The following SUPT3H variants were observed in gnomAD, a reference collection of about 807,000 sequenced individuals.
SUPT3H encodes SPT3 homolog, SAGA and STAGA complex component.
A neutral mutation model predicts 44.3 loss-of-function variants in SUPT3H; 44 were observed. That is an observed-to-expected ratio of 0.99 (90% CI 0.78 to 1.28). The LOEUF (loss-of-function observed/expected upper bound fraction) is 1.28. Ranked by LOEUF, SUPT3H falls within the 50% of genes most tolerant of loss-of-function variation. SUPT3H has a pLI of 0.00. For synonymous variants in SUPT3H, 124 were observed against 125.6 expected (o/e 0.99, Z 0.09); for missense variants, 380 against 387.1 (o/e 0.98, Z 0.15).
chr6:45,221,380 A>G (rs1288296226), intron 2 of SUPT3H, among the ~76,000 whole-genome samples: 1 of 151,942 alleles, frequency 6.6e-6, no homozygotes, highest in East Asian at 1.9e-4. Context: ...TATAAAATAT[A>G]ATAATAAGAG....
chr6:45,240,908 T>C (rs943558781), intron 2 of SUPT3H, among the ~76,000 whole-genome samples: 5 of 152,116 alleles, frequency 3.3e-5, no homozygotes, highest in East Asian at 1.9e-4. Flanking sequence ...TCTTTGGATA[T>C]TGCAAAATTA....
intron 2 of SUPT3H, among the ~76,000 whole-genome samples, chr6:45,339,680 T>C (rs1789353541): frequency 6.6e-6 from 1 of 152,154 alleles, no homozygotes; most frequent in Non-Finnish European, 1.5e-5. Context: ...TCTATTAGGT[T>C]CAAATAGCTA....
chr6:44,818,418 T>C (rs548493818), intron 11 of SUPT3H, among the ~76,000 whole-genome samples: 9 of 152,230 alleles, frequency 5.9e-5, no homozygotes, highest in African/African-American at 2.2e-4. Flanking sequence ...AGATGAAGGT[T>C]TCTTACATAA....
At chr6:44,862,920 C>T (rs751901643) in intron 10 of SUPT3H, among the ~76,000 whole-genome samples, 2 of 152,120 alleles carry the variant, frequency 1.3e-5, no homozygotes, top group African/African-American at 2.4e-5. Context: ...TGGTGTACAG[C>T]TTCTCTCTTT....
At chr6:44,946,446 A>G (rs1015239995) in intron 9 of SUPT3H, among the ~76,000 whole-genome samples, 1 of 152,242 alleles carries the variant, frequency 6.6e-6, no homozygotes, top group Non-Finnish European at 1.5e-5. Flanking sequence ...CATGCCATTA[A>G]GAACATCTGT....
At chr6:45,057,940 C>G (rs906709439) in intron 3 of SUPT3H, among the ~76,000 whole-genome samples, 1 of 152,090 alleles carries the variant, frequency 6.6e-6, no homozygotes, top group Non-Finnish European at 1.5e-5. Context: ...ACTAACATAT[C>G]AATGTGACGG....
chr6:45,087,452 A>G (rs1796612118), intron 3 of SUPT3H, among the ~76,000 whole-genome samples: 1 of 152,000 alleles, frequency 6.6e-6, no homozygotes, highest in African/African-American at 2.4e-5. Flanking sequence ...TATACTAAAA[A>G]TATCATCTAA....
intron 2 of SUPT3H, among the ~76,000 whole-genome samples, chr6:45,202,299 A>G (rs1470235987): frequency 6.6e-6 from 1 of 151,988 alleles, no homozygotes; most frequent in Non-Finnish European, 1.5e-5. Context: ...TTACAAAATT[A>G]TAAAATTGCA....
chr6:45,019,498 C>T (rs567866415), intron 4 of SUPT3H, among the ~76,000 whole-genome samples: 5 of 151,920 alleles, frequency 3.3e-5, no homozygotes, highest in African/African-American at 4.8e-5. Context: ...ATTTATTAGA[C>T]CGTAATGCTG....
chr6:44,934,613 G>A (rs899193082), intron 9 of SUPT3H, among the ~76,000 whole-genome samples: 2 of 152,196 alleles, frequency 1.3e-5, no homozygotes, highest in African/African-American at 4.8e-5. Context: ...TATCCACGAG[G>A]GTGGAGCTCT....
At chr6:45,215,986 A>C (rs1764979118) in intron 2 of SUPT3H, among the ~76,000 whole-genome samples, 1 of 152,210 alleles carries the variant, frequency 6.6e-6, no homozygotes, top group African/African-American at 2.4e-5. Context: ...CTCAGGAGAA[A>C]TCATGCAGTC....
At chr6:45,283,942 C>A (rs1197118736) in intron 2 of SUPT3H, among the ~76,000 whole-genome samples, 2 of 152,188 alleles carry the variant, frequency 1.3e-5, no homozygotes, top group African/African-American at 4.8e-5. Flanking sequence ...TCACTCAGAA[C>A]TGCTCAATTA....
chr6:45,085,795 A>T (rs1003425727), intron 3 of SUPT3H, among the ~76,000 whole-genome samples: 4 of 152,130 alleles, frequency 2.6e-5, no homozygotes, highest in African/African-American at 9.7e-5. Flanking sequence ...CTGGATGATT[A>T]ATAAGTAGTT....
At chr6:45,303,958 C>T (rs984690711) in intron 2 of SUPT3H, among the ~76,000 whole-genome samples, 1 of 147,872 alleles carries the variant, frequency 6.8e-6, no homozygotes, top group African/African-American at 2.5e-5. Flanking sequence ...GCCTGGGCGA[C>T]AGAGCAAGAC....
At chr6:45,093,943 G>A (rs1422386698) in intron 3 of SUPT3H, among the ~76,000 whole-genome samples, 1 of 152,046 alleles carries the variant, frequency 6.6e-6, no homozygotes, top group Non-Finnish European at 1.5e-5. Context: ...AGTAGTGAAA[G>A]CAGCCACATA....
intron 2 of SUPT3H, among the ~76,000 whole-genome samples, chr6:45,166,007 T>C (rs1344194454): frequency 6.6e-6 from 1 of 152,154 alleles, no homozygotes; most frequent in Non-Finnish European, 1.5e-5. Flanking sequence ...AATAATGAAA[T>C]GTAGGCCAGG....
At chr6:44,878,820 G>A (rs1283304425) in intron 10 of SUPT3H, among the ~76,000 whole-genome samples, 1 of 152,114 alleles carries the variant, frequency 6.6e-6, no homozygotes, top group Admixed American at 6.6e-5. Flanking sequence ...AATAGCAAGG[G>A]GTCAGGGAAC....
intron 2 of SUPT3H, among the ~76,000 whole-genome samples, chr6:45,132,074 GAATT>G (rs1011084450): frequency 2.6e-5 from 4 of 152,086 alleles, no homozygotes; most frequent in African/African-American, 7.3e-5. Context: ...CATTATTTAA[GAATT>G]ATTTCTGGAA....
At chr6:44,999,362 C>T (rs1327302316) in intron 6 of SUPT3H, among the ~76,000 whole-genome samples, 1 of 152,000 alleles carries the variant, frequency 6.6e-6, no homozygotes, top group African/African-American at 2.4e-5. Context: ...TCCTGAATAG[C>T]TGGGACTACA....
Sources: gnomAD v4.1 joint callset for allele counts (sites outside exome capture counted in the v4.1 genomes callset) on GRCh38, gnomAD v4.1.1 for gene constraint, MANE v1.5 for transcripts, NCBI Gene and HGNC (gene_info 2026-07-23, HGNC 2026-07-21) for gene names.